Variants in GPC6 observed in about 807,000 individuals in gnomAD.
The protein encoded by GPC6 is glypican 6.
GPC6 carries 14 observed loss-of-function variants against 55.2 expected under a neutral mutation model. The observed-to-expected ratio is 0.25, with a 90% CI of 0.17 to 0.40. GPC6 has a LOEUF of 0.40. Ranked by LOEUF, GPC6 falls within the 10% of genes least tolerant of loss-of-function variation. GPC6 has a pLI of 1.00. For missense variants in GPC6, 641 were observed against 708.5 expected (o/e 0.90, Z 1.08); for synonymous variants, 278 against 259.6 (o/e 1.07, Z -0.68).
chr13:93,609,362 A>T (rs1878369672), intron 2 of GPC6, among the ~76,000 whole-genome samples: 1 of 152,124 alleles, frequency 6.6e-6, no homozygotes, highest in African/African-American at 2.4e-5. Flanking sequence ...TTACCGGCAC[A>T]CGCCACCACA....
At chr13:93,920,789 A>G (rs1269463307) in intron 3 of GPC6, among the ~76,000 whole-genome samples, 1 of 152,260 alleles carries the variant, frequency 6.6e-6, no homozygotes, top group African/African-American at 2.4e-5. Flanking sequence ...GTCCAGGGCT[A>G]CCTATACCAA....
intron 3 of GPC6, among the ~76,000 whole-genome samples, chr13:94,006,777 T>A (rs1882036403): frequency 6.6e-6 from 1 of 152,142 alleles, no homozygotes; most frequent in Non-Finnish European, 1.5e-5. Context: ...GAAATTGATC[T>A]CAAGGGGCAT....
rs571690253 is a variant in GPC6 at position 93,715,661 on chromosome 13, G to A, written c.320-114493G>A. ...AGAAAGATATCAGTTTCAAGAATAT[G>A]AAATATATGAGAAATAGTTTAATTG... On this transcript the variant is annotated intron_variant, in intron 2 of 8. Transcript: ENST00000377047. Among the ~76,000 whole-genome samples the A allele has an allele frequency of 8.6e-5, 13 of 151,708 alleles. No homozygotes were observed. The South Asian group carries it at 2.1e-3, about 24-fold the overall frequency.
chr13:93,566,155 T>G (rs1275834996), intron 2 of GPC6, among the ~76,000 whole-genome samples: 1 of 152,154 alleles, frequency 6.6e-6, no homozygotes, highest in Non-Finnish European at 1.5e-5. Context: ...GAGGCAGAGA[T>G]ATGCTGTAAA....
At chr13:94,182,684 A>T (rs1172758360) in intron 4 of GPC6, among the ~76,000 whole-genome samples, 1 of 152,226 alleles carries the variant, frequency 6.6e-6, no homozygotes, top group African/African-American at 2.4e-5. Context: ...TAAAGTCCAA[A>T]ATGATCACAG....
At chr13:93,761,851 A>G (rs1485690586) in intron 2 of GPC6, among the ~76,000 whole-genome samples, 2 of 152,196 alleles carry the variant, frequency 1.3e-5, no homozygotes, top group South Asian at 2.1e-4. Context: ...CATCTGAAAT[A>G]CTATCATTTT....
chr13:93,244,911 C>T (rs746033148), intron 1 of GPC6, among the ~76,000 whole-genome samples: 2 of 151,278 alleles, frequency 1.3e-5, no homozygotes, highest in African/African-American at 2.4e-5. Context: ...CTAACAAAGC[C>T]TCTAATCTGC....
chr13:94,006,259 T>C (rs879535954), intron 3 of GPC6, among the ~76,000 whole-genome samples: 1 of 152,162 alleles, frequency 6.6e-6, no homozygotes, highest in Non-Finnish European at 1.5e-5. Flanking sequence ...CCCCAAATCC[T>C]GAAGGAGCTG....
intron 7 of GPC6, among the ~76,000 whole-genome samples, chr13:94,393,286 A>G (rs1180247172): frequency 6.6e-6 from 1 of 152,178 alleles, no homozygotes; most frequent in African/African-American, 2.4e-5. Context: ...ACATATTAGT[A>G]TTTCTGCAGC....
intron 4 of GPC6, among the ~76,000 whole-genome samples, chr13:94,077,980 GC>G (rs1884976196): frequency 2.6e-5 from 4 of 151,794 alleles, no homozygotes; most frequent in Admixed American, 2.6e-4. Context: ...CTAAGTGCAT[GC>G]GGAACATTCT....
At chr13:93,801,394 G>C (rs1435120698) in intron 2 of GPC6, among the ~76,000 whole-genome samples, 1 of 152,208 alleles carries the variant, frequency 6.6e-6, no homozygotes, top group Non-Finnish European at 1.5e-5. Context: ...TGACAGTGGT[G>C]ATAGGGAGTG....
At chr13:93,349,701 A>G (rs957163291) in intron 1 of GPC6, among the ~76,000 whole-genome samples, 1 of 152,218 alleles carries the variant, frequency 6.6e-6, no homozygotes, top group African/African-American at 2.4e-5. Flanking sequence ...AAATATTTTA[A>G]GTCGAGTGAG....
At chr13:94,264,649 A>T (rs1891742661) in intron 4 of GPC6, among the ~76,000 whole-genome samples, 1 of 152,240 alleles carries the variant, frequency 6.6e-6, no homozygotes, top group African/African-American at 2.4e-5. Context: ...AGCTGAGAGG[A>T]AGAAGCTCTT....
At chr13:93,530,497 G>A (rs1048731417) in intron 1 of GPC6, among the ~76,000 whole-genome samples, 2 of 152,176 alleles carry the variant, frequency 1.3e-5, no homozygotes, top group African/African-American at 2.4e-5. Context: ...TGGTCTAGGG[G>A]CTTTTCTATT....
chr13:93,453,085 T>G lies in GPC6; in HGVS notation c.161-92178T>G, dbSNP rs573098882. On this transcript the variant is annotated intron_variant, in intron 1 of 8. Coordinates refer to ENST00000377047, the MANE Select transcript of GPC6 (RefSeq NM_005708.5). Reference sequence around the variant, plus strand: ...TATTTGCATGGGCTTAATAAATCCATGGAGCCTTCAAAACATTTGAGGATT... The same window carrying G: ...TATTTGCATGGGCTTAATAAATCCAGGGAGCCTTCAAAACATTTGAGGATT... Among the ~76,000 whole-genome samples the G allele has an allele frequency of 3.9e-5, 6 of 152,340 alleles. No individual in the cohort carries two copies. In the South Asian group the frequency reaches 1.2e-3, roughly 32 times the overall value.
intron 1 of GPC6, among the ~76,000 whole-genome samples, chr13:93,324,606 AT>A (rs1426376393): frequency 1.1e-5 from 1 of 92,090 alleles, no homozygotes; most frequent in Non-Finnish European, 2.4e-5. Flanking sequence ...ATATATATAT[AT>A]ATATAAAATC....
At position 93,241,554 on chromosome 13, in the gene GPC6, T is replaced by G. The variant is rs1278907025; in HGVS notation, c.160+13938T>G. 2.6e-5 allele frequency among the ~76,000 whole-genome samples: 4 copies of G among 152,182 alleles called. No individual in the cohort carries two copies. In the East Asian group the frequency reaches 5.8e-4, roughly 22 times the overall value. ...ATCTATCTCCTTGGAAAATTTTCATTCATATCTTGAGTTGTTTTCTTGATT... is the reference window on the plus strand; with the variant it reads ...ATCTATCTCCTTGGAAAATTTTCATGCATATCTTGAGTTGTTTTCTTGATT... On this transcript the variant is annotated intron_variant, in intron 1 of 8. Coordinates refer to ENST00000377047, the MANE Select transcript of GPC6 (RefSeq NM_005708.5).
intron 1 of GPC6, among the ~76,000 whole-genome samples, chr13:93,231,232 A>G (rs9561283): frequency 0.26 from 39,488 of 149,688 alleles, 5,405 homozygotes; most frequent in African/African-American, 0.35. Flanking sequence ...CTATATACCT[A>G]ACTTGGCTCA....
At chr13:93,471,994 T>C (rs1398947880) in intron 1 of GPC6, among the ~76,000 whole-genome samples, 1 of 152,224 alleles carries the variant, frequency 6.6e-6, no homozygotes, top group Non-Finnish European at 1.5e-5. Flanking sequence ...ACACTATATT[T>C]GTAGCTTTGT....
Sources: gnomAD v4.1 joint callset for allele counts (sites outside exome capture counted in the v4.1 genomes callset) on GRCh38, gnomAD v4.1.1 for gene constraint, MANE v1.5 for transcripts, NCBI Gene and HGNC (gene_info 2026-07-23, HGNC 2026-07-21) for gene names.